The following CD101 variants were observed in gnomAD, a reference collection of about 807,000 sequenced individuals.
CD101 encodes CD101 molecule.
A neutral mutation model predicts 98.2 loss-of-function variants in CD101; 76 were observed. The observed-to-expected ratio is 0.77, with a 90% CI of 0.64 to 0.94. The LOEUF (loss-of-function observed/expected upper bound fraction) is 0.94, where lower values mean the gene tolerates loss of function less well. Ranked by LOEUF, CD101 falls within the 40% of genes least tolerant of loss-of-function variation. The pLI, the probability that CD101 is intolerant of heterozygous loss-of-function variation, is 0.00. For synonymous variants in CD101, 471 were observed against 472.7 expected (o/e 1.00, Z 0.05); for missense variants, 1,145 against 1,218.8 (o/e 0.94, Z 0.90).
rs1197681081 is a variant in CD101, at chr1:117,021,267, C to T, written c.2018-306C>T. Among the ~76,000 whole-genome samples, 2 of 152,214 alleles carry T rather than the reference C, an allele frequency of 1.3e-5. No individual in the cohort carries two copies. Among genetic ancestry groups the T allele is most frequent in the Non-Finnish European group, 2.9e-5 (2 of 68,032 alleles). On this transcript the variant is annotated intron_variant, in intron 6 of 9. Transcript: ENST00000682167. This position sits in a 1 kb window ranked among gnomAD's most constrained non-coding sequence, Gnocchi z 4.7. ...TGGGCTTGTCTGTGTGACACTCCCT[C>T]TGCCACACCACCCCTACCAAGCACA...
rs947035887 is a variant in CD101, at chr1:117,031,030, C to T, written c.2825-2830C>T. Among the ~76,000 whole-genome samples the T allele has an allele frequency of 5.9e-5, 9 of 152,196 alleles. No homozygotes were observed. The South Asian group carries it at 1.7e-3, about 28-fold the overall frequency. On this transcript the variant is annotated intron_variant, in intron 8 of 9. Coordinates refer to ENST00000682167, the MANE Select transcript of CD101 (RefSeq NM_001256106.3). Reference sequence around the variant, plus strand: ...CACTTACTTAGATTGATCAAAATGCCAAACCTTAATGGTTTGAATGTCACT... The same window carrying T: ...CACTTACTTAGATTGATCAAAATGCTAAACCTTAATGGTTTGAATGTCACT...
In CD101 at chr1:117,011,767, A is replaced by G; in HGVS notation, c.642A>G (p.Thr214=). Residue 214 remains threonine, a synonymous_variant, in exon 3 of 10, where the codon ACA becomes ACG. Transcript: ENST00000682167. ...TATTGGTCCCTGGGCCCTTGTATAC[A>G]GAGCGGTTTGCAGCCAGTGACGTAC... ...DFILVPGPLY[T]ERFAASDVQL... The G allele has an allele frequency of 6.2e-7, 1 of 1,614,170 alleles. No individual in the cohort carries two copies. Among genetic ancestry groups the G allele is most frequent in the East Asian group, 2.2e-5 (1 of 44,876 alleles).
At chr1:117,034,293 C>T (rs769440570) in intron 9 of CD101, 159 bp downstream of exon 9, 14 of 631,390 alleles carry the variant, frequency 2.2e-5, no homozygotes, top group Non-Finnish European at 3.5e-5. Context: ...TGTGTCTTAC[C>T]TCATCCACCT....
intron 8 of CD101, among the ~76,000 whole-genome samples, chr1:117,029,233 GA>G (rs1190413578): frequency 9.1e-6 from 1 of 109,460 alleles, no homozygotes; most frequent in Admixed American, 9.7e-5. Flanking sequence ...AAGAAAGAAA[GA>G]AAGAAAGAAA....
Position 117,021,755 on chromosome 1 carries a change from A to G in CD101, c.2200A>G (p.Asn734Asp). ...WLKILEMDQT[N>D]VIKTGDEFHT... Reference sequence around the variant, plus strand: ...AAAGATCCTGGAGATGGACCAAACCAATGTTATAAAAACTGGGGATGAGTT... The same window carrying G: ...AAAGATCCTGGAGATGGACCAAACCGATGTTATAAAAACTGGGGATGAGTT... The change falls in exon 7 of 10, where the codon AAT becomes GAT. Residue 734 changes from asparagine to aspartate, a missense_variant. Physicochemically the swap from Asn to Asp is conservative, Grantham distance 23. Transcript: ENST00000682167. The surrounding 1 kb of genome is among the most constrained non-coding windows in gnomAD (Gnocchi z 4.7). 6.2e-7 allele frequency: 1 copy of G among 1,614,090 alleles called. No individual in the cohort carries two copies. The highest frequency in any genetic ancestry group is 1.7e-4 in the Middle Eastern group (1 of 6,058).
Position 117,023,842 on chromosome 1 carries a change from G to A in CD101, c.2429-1667G>A, listed in dbSNP as rs1452448196. Among the ~76,000 whole-genome samples, 7 of 152,134 alleles carry A rather than the reference G, an allele frequency of 4.6e-5. No individual in the cohort carries two copies. Among genetic ancestry groups the A allele is most frequent in the African/African-American group, 1.7e-4 (7 of 41,406 alleles). ...CCAAGAGGCCCCAGAAAGATGCTGA[G>A]AATGACTGGTCAGAGTTGTAAGGGG... is the stretch of plus-strand genomic sequence containing the variant. On this transcript the variant is annotated intron_variant, in intron 7 of 9. Transcript: ENST00000682167. This position sits in a 1 kb window ranked among gnomAD's most constrained non-coding sequence, Gnocchi z 4.4.
At position 117,011,632 on chromosome 1, in the gene CD101, G is replaced by A. The variant is rs2101120166; in HGVS notation, c.507G>A (p.Glu169=). The A allele has an allele frequency of 6.2e-7, 1 of 1,614,112 alleles. No homozygotes were observed. Among genetic ancestry groups the A allele is most frequent in the Admixed American group, 1.7e-5 (1 of 60,006 alleles). The change falls in exon 3 of 10, where the codon GAG becomes GAA. Residue 169 remains glutamate, a synonymous_variant. Coordinates refer to ENST00000682167, the MANE Select transcript of CD101 (RefSeq NM_001256106.3). The part of the protein sequence containing the change: ...EEGEPLALTC[E]ASKATAQHTH... ...GTGAGCCATTAGCCCTCACCTGTGA[G>A]GCATCCAAAGCCACAGCCCAACATA...
At chr1:117,003,135 C>T (rs1652336881) in intron 1 of CD101, among the ~76,000 whole-genome samples, 1 of 151,972 alleles carries the variant, frequency 6.6e-6, no homozygotes, top group South Asian at 2.1e-4. Flanking sequence ...GAGTGAGATT[C>T]CATCTAAAAA....
chr1:117,031,101 G>T (rs1253243887), intron 8 of CD101, among the ~76,000 whole-genome samples: 1 of 152,190 alleles, frequency 6.6e-6, no homozygotes, highest in East Asian at 1.9e-4. Flanking sequence ...GGGAAATGGT[G>T]ACTGTGGGAT....
intron 8 of CD101, among the ~76,000 whole-genome samples, chr1:117,029,272 AGAGTAGATACGGTTGACAGTCCAACATCT>A (rs1654284505): frequency 6.9e-6 from 1 of 145,294 alleles, no homozygotes; most frequent in Non-Finnish European, 1.5e-5. Context: ...AAAGAAAGAA[AGAGTAGATACGGTTGACAGTCCAACATCT>A]GAAAGAAAGA....
chr1:117,008,948 G>T (rs1297100619), intron 1 of CD101, among the ~76,000 whole-genome samples: 2 of 152,128 alleles, frequency 1.3e-5, no homozygotes, highest in Admixed American at 6.5e-5. Flanking sequence ...GCATGTCTTT[G>T]TTCTTTCTGC....
chr1:117,011,339 G>A lies in CD101; in HGVS notation c.425-211G>A, dbSNP rs78565024. Among the ~76,000 whole-genome samples, 6 of 152,258 alleles carry A rather than the reference G, an allele frequency of 3.9e-5. No individual in the cohort carries two copies. In the East Asian group the frequency reaches 9.6e-4, roughly 24 times the overall value. On this transcript the variant is annotated intron_variant, in intron 2 of 9. Transcript: ENST00000682167. ...AAAGTGAGGGTCAACACATTGATGA[G>A]GCATTTACTTTGCCCAGTTCCGTAG...
rs774392191 is a variant in CD101, at chr1:117,011,838, G to A, written c.713G>A (p.Arg238Lys). Residue 238 changes from arginine to lysine, a missense_variant, in exon 3 of 10, where the codon AGG (arginine) becomes AAG (lysine). Physicochemically the swap from Arg to Lys is conservative, Grantham distance 26 (BLOSUM62 2). Transcript: ENST00000682167. ...GPTTFRLSIE[R>K]LQSSDQGQLF... ...ACTACATTCAGGCTGTCCATAGAGA[G>A]GCTCCAGTCCTCAGATCAGGGTCAG... 6.2e-7 allele frequency: 1 copy of A among 1,614,140 alleles called. No individual in the cohort carries two copies. The highest frequency in any genetic ancestry group is 8.5e-7 in the Non-Finnish European group (1 of 1,180,018).
rs1653379877 is a variant in CD101, at chr1:117,018,453, T to C, written c.1910T>C (p.Val637Ala). The change falls in exon 6 of 10, where the codon GTG becomes GCG. Residue 637 changes from valine (V) to alanine (A), a missense_variant. Coordinates refer to ENST00000682167, the MANE Select transcript of CD101 (RefSeq NM_001256106.3). This position sits in a 1 kb window ranked among gnomAD's most constrained non-coding sequence, Gnocchi z 4.3. ...VHDATEEETG[V>A]YQCEVEVYDR... ...GATGCCACTGAGGAAGAGACAGGAG[T>C]GTATCAGTGTGAAGTAGAAGTTTAT... 1 of 1,614,062 alleles carries C rather than the reference T, an allele frequency of 6.2e-7. No homozygotes were observed. The highest frequency in any genetic ancestry group is 2.2e-5 in the East Asian group (1 of 44,876).
intron 8 of CD101, among the ~76,000 whole-genome samples, chr1:117,027,028 C>G (rs1330158061): frequency 6.6e-6 from 1 of 152,152 alleles, no homozygotes; most frequent in Non-Finnish European, 1.5e-5. Context: ...GCTCTACTAC[C>G]AATACCAGCT....
chr1:117,029,234 AAAGAAAG>A (rs1654252646), intron 8 of CD101, among the ~76,000 whole-genome samples: 2 of 118,772 alleles, frequency 1.7e-5, no homozygotes, highest in African/African-American at 3.7e-5. Flanking sequence ...AGAAAGAAAG[AAAGAAAG>A]AAAGAAAGAA....
At position 117,028,529 on chromosome 1, in the gene CD101, T is replaced by C. The variant is rs1654113702; in HGVS notation, c.2824+2625T>C. Among the ~76,000 whole-genome samples the C allele has an allele frequency of 2.0e-5, 3 of 152,018 alleles. No individual in the cohort carries two copies. In the South Asian group the frequency reaches 6.2e-4, roughly 32 times the overall value. ...CTGCCAAATGGGATCTGCACCAGAG[T>C]TGTAGATTACAAGTCATCCATAGGT... On this transcript the variant is annotated intron_variant, in intron 8 of 9. Transcript: ENST00000682167.
intron 7 of CD101, among the ~76,000 whole-genome samples, chr1:117,024,431 T>A (rs2491122): frequency 6.6e-6 from 1 of 151,988 alleles, no homozygotes; most frequent in Admixed American, 6.5e-5. Context: ...GAGCCAAGAT[T>A]GTGCCACTGC....
In CD101 at chr1:117,033,180, G is replaced by C. The variant is rs1380319425; in HGVS notation, c.2825-680G>C. ...TGCCTGCAGCAAGGTAGGAAGAGCTGAGAGAGTAGGAAGTGTGATGGAGCT... is the reference window on the plus strand; with the variant it reads ...TGCCTGCAGCAAGGTAGGAAGAGCTCAGAGAGTAGGAAGTGTGATGGAGCT... On this transcript the variant is annotated intron_variant, in intron 8 of 9. Coordinates refer to ENST00000682167, the MANE Select transcript of CD101 (RefSeq NM_001256106.3). This position sits in a 1 kb window ranked among gnomAD's most constrained non-coding sequence, Gnocchi z 4.8. The C allele has an allele frequency of 6.5e-6, 1 of 153,070 alleles. No homozygotes were observed. Among genetic ancestry groups the C allele is most frequent in the Non-Finnish European group, 1.5e-5 (1 of 68,674 alleles). 9.5% of individuals were successfully genotyped at this position (153,070 alleles called of 1,614,324 possible).
Sources: allele counts gnomAD v4.1 joint callset (sites outside exome capture counted in the v4.1 genomes callset), GRCh38; gene constraint gnomAD v4.1.1; non-coding constraint Gnocchi (gnomAD v3.1); transcripts MANE v1.5; gene names NCBI Gene and HGNC (gene_info 2026-07-23, HGNC 2026-07-21).